The following ESPN variants were observed in gnomAD, a reference collection of about 807,000 sequenced individuals.
ESPN encodes autosomal recessive deafness type 36 protein.
ESPN carries 68 observed loss-of-function variants against 77.7 expected under a neutral mutation model. The ratio of observed to expected loss-of-function variants is 0.87; its 90% CI spans 0.72 to 1.07. The LOEUF is 1.07. ESPN is among the 50% of genes least tolerant of loss of function. ESPN has a pLI of 0.00. For synonymous variants in ESPN, 449 were observed against 567.1 expected, an observed-to-expected ratio of 0.79 and a Z score of 2.96; for missense variants, 1,060 against 1,239.0, an observed-to-expected ratio of 0.86 and a Z score of 2.17.
chr1:6,426,916 G>A (rs1250358961), intron 1 of ESPN, among the ~76,000 whole-genome samples: 1 of 152,060 alleles, frequency 6.6e-6, no homozygotes, highest in African/African-American at 2.4e-5. Context: ...CACATTCTCT[G>A]CCCCATCTTC....
chr1:6,442,800 G>A (rs1405910183), intron 5 of ESPN, among the ~76,000 whole-genome samples: 19 of 150,406 alleles, frequency 1.3e-4, no homozygotes, highest in African/African-American at 2.9e-4. Context: ...CCCGGGAGGC[G>A]GAGGTTGCAG....
rs1643937751 is a variant in ESPN at position 6,451,202 on chromosome 1, C to CAG, written c.1916-398_1916-397dup. Reference sequence around the variant, plus strand: ...GGCTTTGCTGATGTAGGGAGAGGGCCAGAGGGAGGCTCCACCCCAGCCGGG... The same window carrying CAG: ...GGCTTTGCTGATGTAGGGAGAGGGCCAGAGAGGGAGGCTCCACCCCAGCCGGG... On this transcript the variant is annotated intron_variant, in intron 8 of 12. Coordinates refer to ENST00000645284, the MANE Select transcript of ESPN (RefSeq NM_031475.3). This position sits in a 1 kb window ranked among gnomAD's most constrained non-coding sequence, Gnocchi z 4.3. 1 of 353,936 alleles carries CAG rather than the reference C, an allele frequency of 2.8e-6. No individual in the cohort carries two copies. Among genetic ancestry groups the CAG allele is most frequent in the African/African-American group, 2.1e-5 (1 of 47,090 alleles). 21.9% of individuals were successfully genotyped at this position (353,936 alleles called of 1,614,324 possible). A position where few individuals can be genotyped will look rare whatever the true frequency, so the allele number is the denominator to read the frequency against.
rs964510104 is a variant in ESPN, at chr1:6,460,188, C to A, written c.*42C>A. 6.9e-6 allele frequency: 11 copies of A among 1,595,594 alleles called. No homozygotes were observed. The highest frequency in any genetic ancestry group is 9.4e-6 in the Non-Finnish European group (11 of 1,168,686). ...TCCGCAGCCTCGCAGCTCCGTGGGG[C>A]CCTCCGCCCCAGCCCCAGCCAGCCA... is the stretch of plus-strand genomic sequence containing the variant. On this transcript the variant is annotated 3_prime_UTR_variant, in exon 13 of 13. Transcript: ENST00000645284.
chr1:6,434,723 A>AT (rs1252237050), intron 2 of ESPN, among the ~76,000 whole-genome samples: 1 of 152,096 alleles, frequency 6.6e-6, no homozygotes, highest in African/African-American at 2.4e-5. Context: ...TCTTCTATCC[A>AT]TGTGTGTATG....
chr1:6,449,538 G>A (rs896701507), intron 8 of ESPN, among the ~76,000 whole-genome samples: 4 of 152,114 alleles, frequency 2.6e-5, no homozygotes, highest in Non-Finnish European at 5.9e-5. Flanking sequence ...CCCCCTGCCC[G>A]TCTATCCTGA....
chr1:6,426,117 C>G (rs1383376106), intron 1 of ESPN, among the ~76,000 whole-genome samples: 1 of 152,168 alleles, frequency 6.6e-6, no homozygotes, highest in African/African-American at 2.4e-5. Flanking sequence ...CCGATTTCCA[C>G]TTAGACCACT....
intron 12 of ESPN, among the ~76,000 whole-genome samples, chr1:6,458,824 G>A (rs537311793): frequency 4.7e-5 from 7 of 149,474 alleles, no homozygotes; most frequent in African/African-American, 9.8e-5. Context: ...CCAGCTACTC[G>A]GGAGGCTGAG....
Position 6,425,158 on chromosome 1 carries a change from G to A in ESPN, c.203G>A (p.Arg68His). ...GCCCTCCCCGCCGCGGCCCGCGCCC[G>A]CAACGGCGCCACACCGGCCCACGAC... Reference protein sequence around the residue: ...EAALPAAARARNGATPAHDAS... With the variant: ...EAALPAAARAHNGATPAHDAS... Residue 68 changes from arginine (R) to histidine (H), a missense_variant, in exon 1 of 13, where the codon CGC becomes CAC. By Grantham distance (29) the Arg-to-His change is conservative (BLOSUM62 0). Around this residue, in one of 3 missense-constraint regions of ESPN, gnomAD observed 556 missense variants for 633.6 expected, o/e 0.88. Transcript: ENST00000645284. The A allele has an allele frequency of 2.6e-6, 4 of 1,515,830 alleles. No homozygotes were observed. The highest frequency in any genetic ancestry group is 1.2e-5 in the South Asian group (1 of 82,200). The allele number at this position is 1,515,830 out of a possible 1,614,324, so 93.9% of individuals were successfully genotyped here.
In ESPN at chr1:6,444,687, G is replaced by A; in HGVS notation, c.1192+5G>A. The A allele has an allele frequency of 6.2e-7, 1 of 1,614,146 alleles. No homozygotes were observed. The highest frequency in any genetic ancestry group is 8.5e-7 in the Non-Finnish European group (1 of 1,179,976). On this transcript the variant is annotated splice_donor_5th_base_variant and intron_variant, in intron 6 of 12. Transcript: ENST00000645284. The stretch of plus-strand genomic sequence containing the variant: ...AGGGCCAGCACCCTCCATGTGGTGA[G>A]TGTGCCCAGGAGGAAGACGGGGAGG...
intron 8 of ESPN, among the ~76,000 whole-genome samples, chr1:6,449,369 C>T (rs1323694787): frequency 6.6e-6 from 1 of 152,216 alleles, no homozygotes; most frequent in East Asian, 1.9e-4. Context: ...GGGCAAGTCC[C>T]CTCCCCTCTC....
At chr1:6,438,236 T>TC (rs796816127) in intron 2 of ESPN, among the ~76,000 whole-genome samples, 47 of 152,248 alleles carry the variant, frequency 3.1e-4, no homozygotes, top group African/African-American at 1.1e-3. Context: ...CCCTGGCTGT[T>TC]CACCTGGACA....
intron 10 of ESPN, 52 bp from the exon 11 acceptor site, chr1:6,457,132 C>T (rs1408879100): frequency 2.0e-6 from 3 of 1,531,146 alleles, no homozygotes; most frequent in African/African-American, 2.7e-5. Context: ...GTTGAGGGTG[C>T]CCCCTATCTC....
rs774415122 is a variant in ESPN at position 6,441,063 on chromosome 1, C to T, written c.988C>T (p.Leu330=). Residue 330 remains leucine, a splice_region_variant and synonymous_variant, in exon 5 of 13, where the codon CTG becomes TTG. Coordinates refer to ENST00000645284, the MANE Select transcript of ESPN (RefSeq NM_031475.3). ...CCGCTACCTGCGCACGGTGGAGAAC[C>T]TGGTACGATCCCTGAGCTGCTCCTG... is the stretch of plus-strand genomic sequence containing the variant. ...CTRYLRTVEN[L]SVEHRVLSRD... is the part of the protein sequence containing the mutation. The T allele has an allele frequency of 4.3e-6, 7 of 1,610,918 alleles. 1 individual carries two copies. The South Asian group carries it at 7.7e-5, about 18-fold the overall frequency.
chr1:6,451,400 G>A lies in ESPN; in HGVS notation c.1916-203G>A. On this transcript the variant is annotated intron_variant, in intron 8 of 12. Transcript: ENST00000645284. The surrounding 1 kb of genome is among the most constrained non-coding windows in gnomAD (Gnocchi z 4.3). ...GTAGGGTGGGGAAGATGGTGGGGTT[G>A]CCACAGTCAGGGAACCAAGGGCCCG... is the stretch of plus-strand genomic sequence containing the variant. 1 of 665,232 alleles carries A rather than the reference G, an allele frequency of 1.5e-6. No homozygotes were observed. The highest frequency in any genetic ancestry group is 1.9e-5 in the South Asian group (1 of 54,016). 41.2% of individuals were successfully genotyped at this position (665,232 alleles called of 1,614,324 possible). A position where few individuals can be genotyped will look rare whatever the true frequency, so the allele number is the denominator to read the frequency against.
chr1:6,440,899 G>A (rs1233697520), intron 4 of ESPN, 35 bp from the exon 5 acceptor site: 1 of 1,543,102 alleles, frequency 6.5e-7, no homozygotes. Context: ...CCCAGCTCGC[G>A]GCCGCGGCCG....
intron 10 of ESPN, chr1:6,455,655 G>A: frequency 5.0e-6 from 2 of 399,364 alleles, no homozygotes; most frequent in Non-Finnish European, 8.8e-6. Context: ...CTTCATGCTC[G>A]GCTACTTCCA....
intron 12 of ESPN, among the ~76,000 whole-genome samples, 181 bp from the exon 13 acceptor site, chr1:6,459,818 G>A (rs746098361): frequency 6.6e-6 from 1 of 152,126 alleles, no homozygotes; most frequent in Non-Finnish European, 1.5e-5. Context: ...CTGTGCTCCA[G>A]TAACCCCATT....
chr1:6,450,010 A>C lies in ESPN; in HGVS notation c.1915+919A>C, dbSNP rs1378503510. 6.6e-6 allele frequency among the ~76,000 whole-genome samples: 1 copy of C among 152,124 alleles called. No homozygotes were observed. The highest frequency in any genetic ancestry group is 1.5e-5 in the Non-Finnish European group (1 of 68,000). ...TCCTATGGAGCCCCAGCCCCTGCAGACCAGAGCCCATGTAAGCAAGTCCAG... is the reference window on the plus strand; with the variant it reads ...TCCTATGGAGCCCCAGCCCCTGCAGCCCAGAGCCCATGTAAGCAAGTCCAG... On this transcript the variant is annotated intron_variant, in intron 8 of 12. Transcript: ENST00000645284. This position sits in a 1 kb window ranked among gnomAD's most constrained non-coding sequence, Gnocchi z 4.3.
In ESPN at chr1:6,452,039, G is replaced by C. The variant is rs1445684931; in HGVS notation, c.2268G>C (p.Gln756His). Residue 756 changes from glutamine to histidine, a missense_variant, in exon 10 of 13, where the codon CAG becomes CAC. This residue lies in a region of ESPN where 374 missense variants were observed against 381.4 expected (regional missense o/e 0.98). Transcript: ENST00000645284. ...GGCCCATCCCCGAGTGGAAGCGCCAGGTGATGGTGCGCAAGATGCAGCTGA... is the reference window on the plus strand; with the variant it reads ...GGCCCATCCCCGAGTGGAAGCGCCACGTGATGGTGCGCAAGATGCAGCTGA... ...QGRPIPEWKRQVMVRKMQLKM... is the reference protein window; with the variant it reads ...QGRPIPEWKRHVMVRKMQLKM... The C allele has an allele frequency of 1.9e-6, 3 of 1,583,656 alleles. No homozygotes were observed. The highest frequency in any genetic ancestry group is 3.5e-5 in the Admixed American group (2 of 56,418).
Sources: allele counts gnomAD v4.1 joint callset (sites outside exome capture counted in the v4.1 genomes callset), GRCh38; gene constraint gnomAD v4.1.1; regional missense constraint gnomAD v4.1.1; non-coding constraint Gnocchi (gnomAD v3.1); transcripts MANE v1.5; gene names NCBI Gene and HGNC (gene_info 2026-07-23, HGNC 2026-07-21).